CACNA1E: variants seen among roughly 807,000 people sequenced by gnomAD.
CACNA1E encodes calcium voltage-gated channel subunit alpha1 E, also known as voltage-dependent R-type calcium channel subunit alpha-1E.
A neutral mutation model predicts 259.2 loss-of-function variants in CACNA1E; 40 were observed. That is an observed-to-expected ratio of 0.15 (90% CI 0.12 to 0.20). The LOEUF (loss-of-function observed/expected upper bound fraction) is 0.20, where lower values mean the gene tolerates loss of function less well. Ranked by LOEUF, CACNA1E falls within the 10% of genes least tolerant of loss-of-function variation. CACNA1E has a pLI of 1.00. For missense variants in CACNA1E, 1,874 were observed against 3,040.1 expected (o/e 0.62, Z 9.02); for synonymous variants, 1,104 against 1,138.5 (o/e 0.97, Z 0.61).
chr1:181,697,071 G>A (rs1038986244), intron 7 of CACNA1E, among the ~76,000 whole-genome samples: 2 of 152,144 alleles, frequency 1.3e-5, no homozygotes, highest in African/African-American at 4.8e-5. Context: ...TCTGACCTCG[G>A]GTCCTATCCT....
intron 1 of CACNA1E, among the ~76,000 whole-genome samples, chr1:181,405,896 G>A (rs1465558607): frequency 1.3e-5 from 2 of 152,158 alleles, no homozygotes; most frequent in Non-Finnish European, 2.9e-5. Context: ...GAGGCCCAGG[G>A]CTTGGGTGTT....
rs776822286 is a variant in CACNA1E, at chr1:181,718,178, G to A, written c.1638+11G>A. On this transcript the variant is annotated intron_variant, in intron 12 of 47. Transcript: ENST00000367573. ...TGCTTTGATTTTGGGGTAAGTCCTC[G>A]GAAGCCTGCCTCTGCTCCTGCTTCG... The A allele has an allele frequency of 2.0e-5, 28 of 1,419,060 alleles. No homozygotes were observed. Among genetic ancestry groups the A allele is most frequent in the South Asian group, 1.9e-4 (16 of 86,202 alleles). 87.9% of individuals were successfully genotyped at this position (1,419,060 alleles called of 1,614,324 possible). A position where few individuals can be genotyped will look rare whatever the true frequency, so the allele number is the denominator to read the frequency against.
Position 181,780,742 on chromosome 1 carries a change from C to A in CACNA1E, c.5268-685C>A, listed in dbSNP as rs141982959. Among the ~76,000 whole-genome samples the A allele has an allele frequency of 1.9e-3, 284 of 152,348 alleles. 1 individual carries two copies. The highest frequency in any genetic ancestry group is 6.7e-3 in the African/African-American group (278 of 41,574). On this transcript the variant is annotated intron_variant, in intron 38 of 47. Coordinates refer to ENST00000367573, the MANE Select transcript of CACNA1E (RefSeq NM_001205293.3). The stretch of plus-strand genomic sequence containing the variant: ...TCCCCAGCATGCCATTGACCTGGCA[C>A]ATGCTGGGGAATAAAGAGCAGTCTT...
intron 3 of CACNA1E, among the ~76,000 whole-genome samples, chr1:181,517,818 A>G (rs1291983464): frequency 6.6e-6 from 1 of 152,180 alleles, no homozygotes; most frequent in Non-Finnish European, 1.5e-5. Flanking sequence ...CTGCCCTAAT[A>G]CAAGAGTTTC....
At chr1:181,566,187 G>T (rs1013705743) in intron 3 of CACNA1E, among the ~76,000 whole-genome samples, 1 of 152,012 alleles carries the variant, frequency 6.6e-6, no homozygotes, top group East Asian at 1.9e-4. Flanking sequence ...ATTATCTTTC[G>T]TAGCTTTTGA....
rs41315713 is a variant in CACNA1E at position 181,800,151 on chromosome 1, G to A, written c.*1317G>A. ...GTTGGGACCGCAGATTCTGCAGCTG[G>A]TGTGGGGTTCAGGTCAGTTTGTCAG... is the stretch of plus-strand genomic sequence containing the variant. On this transcript the variant is annotated 3_prime_UTR_variant, in exon 48 of 48. Transcript: ENST00000367573. 0.067 allele frequency: 10,298 copies of A among 152,912 alleles called. 514 individuals are homozygous for A. The highest frequency in any genetic ancestry group is 0.28 in the East Asian group (1,437 of 5,184). 9.5% of individuals were successfully genotyped at this position (152,912 alleles called of 1,614,324 possible).
intron 3 of CACNA1E, 70 bp from the exon 4 acceptor site, chr1:181,577,696 C>T (rs930728506): frequency 3.5e-5 from 37 of 1,048,466 alleles, no homozygotes; most frequent in South Asian, 8.5e-5. Flanking sequence ...GCCTCAGCCC[C>T]GCTTCCTGCA....
At chr1:181,610,444 C>G (rs557370766) in intron 6 of CACNA1E, among the ~76,000 whole-genome samples, 3 of 152,204 alleles carry the variant, frequency 2.0e-5, no homozygotes, top group Non-Finnish European at 4.4e-5. Context: ...TTCTACTTTG[C>G]GTGGTCTATA....
At chr1:181,371,662 G>A (rs1199460706) in intron 1 of CACNA1E, among the ~76,000 whole-genome samples, 1 of 152,110 alleles carries the variant, frequency 6.6e-6, no homozygotes, top group East Asian at 1.9e-4. Flanking sequence ...TCTTTGCCAA[G>A]GCCTATGTTC....
intron 6 of CACNA1E, among the ~76,000 whole-genome samples, chr1:181,607,247 A>G (rs1654322729): frequency 6.6e-6 from 1 of 152,200 alleles, no homozygotes; most frequent in Non-Finnish European, 1.5e-5. Context: ...AGACAGAATA[A>G]AGAATTCTTG....
chr1:181,395,510 T>C (rs1656609374), intron 1 of CACNA1E, among the ~76,000 whole-genome samples: 1 of 152,232 alleles, frequency 6.6e-6, no homozygotes, highest in Non-Finnish European at 1.5e-5. Context: ...TCAAATCACA[T>C]GACTGGATGA....
intron 1 of CACNA1E, among the ~76,000 whole-genome samples, chr1:181,505,228 A>G (rs981337159): frequency 1.3e-5 from 2 of 152,192 alleles, no homozygotes; most frequent in African/African-American, 4.8e-5. Context: ...TTTTGTAGTG[A>G]TAAATGAACA....
intron 3 of CACNA1E, among the ~76,000 whole-genome samples, chr1:181,562,180 C>T (rs1229479899): frequency 1.3e-5 from 2 of 152,016 alleles, no homozygotes. Flanking sequence ...GAAAATATTG[C>T]CCTCACTTTG....
intron 2 of CACNA1E, among the ~76,000 whole-genome samples, chr1:181,418,001 C>T (rs1658412793): frequency 6.6e-6 from 1 of 152,086 alleles, no homozygotes; most frequent in Admixed American, 6.5e-5. Context: ...GGAACCCATT[C>T]CAATCAGGTC....
At position 181,483,776 on chromosome 1, in the gene CACNA1E, G is replaced by T. The variant is rs767620162; in HGVS notation, c.32G>T (p.Arg11Met). The T allele has an allele frequency of 1.2e-6, 2 of 1,610,918 alleles. No individual in the cohort carries two copies. The highest frequency in any genetic ancestry group is 1.7e-6 in the Non-Finnish European group (2 of 1,178,834). Residue 11 changes from arginine (R) to methionine (M), a missense_variant, in exon 1 of 48, where the codon AGG (arginine) becomes ATG (methionine). Arg to Met is a moderately conservative substitution (Grantham distance 91). This residue lies in a region of CACNA1E where 110 missense variants were observed against 122.8 expected (regional missense o/e 0.90). Coordinates refer to ENST00000367573, the MANE Select transcript of CACNA1E (RefSeq NM_001205293.3). The part of the protein sequence containing the change: MARFGEAVVA[R>M]PGSGDGDSDQ... ...CGCTTCGGGGAGGCGGTGGTCGCCA[G>T]GCCAGGGTCCGGCGATGGAGACTCG...
chr1:181,374,264 A>G (rs373891044), intron 1 of CACNA1E, among the ~76,000 whole-genome samples: 3 of 152,208 alleles, frequency 2.0e-5, no homozygotes, highest in Admixed American at 6.5e-5. Context: ...TCTTTACCCA[A>G]TGGTCATTGA....
Position 181,383,729 on chromosome 1 carries a change from CT to C in CACNA1E, c.-14-29402del, listed in dbSNP as rs1655630168. 1.3e-5 allele frequency among the ~76,000 whole-genome samples: 2 copies of C among 152,388 alleles called. 1 individual carries two copies. Among genetic ancestry groups the C allele is most frequent in the South Asian group, 4.1e-4 (2 of 4,828 alleles). On this transcript the variant is annotated intron_variant, in intron 1 of 11. Transcript: ENST00000524607. ...ATGCTCACTAAACCCATTTCCTTTT[CT>C]TCCTGGGCACACAGCTCAACTATAT...
In CACNA1E at chr1:181,801,171, G is replaced by A. The variant is rs1457904847; in HGVS notation, c.*2337G>A. 15 of 152,664 alleles carry A rather than the reference G, an allele frequency of 9.8e-5. No individual in the cohort carries two copies. Among genetic ancestry groups the A allele is most frequent in the Non-Finnish European group, 1.5e-5 (1 of 68,046 alleles). The allele number at this position is 152,664 out of a possible 1,614,324, so 9.5% of individuals were successfully genotyped here. On this transcript the variant is annotated 3_prime_UTR_variant, in exon 48 of 48. Coordinates refer to ENST00000367573, the MANE Select transcript of CACNA1E (RefSeq NM_001205293.3). Reference sequence around the variant, plus strand: ...TCGGAAATGCAGCTTTCCCTAGGGGGAGGCCTACAACAGGACGACCATTCT... The same window carrying A: ...TCGGAAATGCAGCTTTCCCTAGGGGAAGGCCTACAACAGGACGACCATTCT...
At chr1:181,491,424 C>T (rs4345777) in intron 1 of CACNA1E, among the ~76,000 whole-genome samples, 360 of 152,284 alleles carry the variant, frequency 2.4e-3, no homozygotes, top group African/African-American at 8.4e-3. Context: ...TTTTGTTGGT[C>T]ACAATTTCCC....
Sources: allele counts gnomAD v4.1 joint callset (sites outside exome capture counted in the v4.1 genomes callset), GRCh38; gene constraint gnomAD v4.1.1; regional missense constraint gnomAD v4.1.1; transcripts MANE v1.5; gene names NCBI Gene and HGNC (gene_info 2026-07-23, HGNC 2026-07-21).